Variants in TECPR2 observed in about 807,000 individuals in gnomAD.
The protein encoded by TECPR2 is tectonin beta-propeller repeat containing 2.
A neutral mutation model predicts 138.1 loss-of-function variants in TECPR2; 65 were observed. That is an observed-to-expected ratio of 0.47 (90% CI 0.39 to 0.58). The LOEUF (loss-of-function observed/expected upper bound fraction) is 0.58, where lower values mean the gene tolerates loss of function less well. Among genes scored for constraint, TECPR2 ranks in the 20% least tolerant of loss-of-function variants. The pLI, the probability that TECPR2 is intolerant of heterozygous loss-of-function variation, is 0.00. For synonymous variants in TECPR2, 746 were observed against 749.8 expected (o/e 0.99, Z 0.08); for missense variants, 1,553 against 1,824.5 (o/e 0.85, Z 2.71).
rs199738023 is a variant in TECPR2 at position 102,438,076 on chromosome 14, G to A, written c.2449G>A (p.Val817Met). 1.5e-4 allele frequency: 241 copies of A among 1,614,212 alleles called. 2 individuals carry two copies. In the East Asian group the frequency reaches 4.1e-3, roughly 27 times the overall value. ...SGPGYGILSL[V>M]VSEKYIWCLD... ...TCCCGGCTATGGCATCCTCAGCTTG[G>A]TGGTCTCCGAGAAGTATATCTGGTG... Residue 817 changes from valine to methionine, a missense_variant, in exon 10 of 20, where the codon GTG (valine) becomes ATG (methionine). Coordinates refer to ENST00000359520, the MANE Select transcript of TECPR2 (RefSeq NM_014844.5).
At chr14:102,386,736 G>A (rs556955543) in intron 2 of TECPR2, among the ~76,000 whole-genome samples, 41 of 152,256 alleles carry the variant, frequency 2.7e-4, no homozygotes, top group Non-Finnish European at 5.1e-4. Flanking sequence ...CATAAACACA[G>A]CAACACAAAG....
chr14:102,402,355 A>G (rs1888516512), intron 2 of TECPR2, among the ~76,000 whole-genome samples: 1 of 152,208 alleles, frequency 6.6e-6, no homozygotes, highest in South Asian at 2.1e-4. Context: ...ATGATTGACA[A>G]TGAAAACACA....
rs891682211 is a variant in TECPR2 at position 102,415,167 on chromosome 14, G to A, written c.638+374G>A. Among the ~76,000 whole-genome samples the A allele has an allele frequency of 2.6e-5, 4 of 152,192 alleles. No homozygotes were observed. Among genetic ancestry groups the A allele is most frequent in the Non-Finnish European group, 2.9e-5 (2 of 68,036 alleles). ...GTGGGGCTCACTCGTTATTCAGCAC[G>A]TGTTTACCATGCACCCCTGTGCACT... On this transcript the variant is annotated intron_variant, in intron 5 of 19. Transcript: ENST00000359520. This position sits in a 1 kb window ranked among gnomAD's most constrained non-coding sequence, Gnocchi z 4.3.
intron 15 of TECPR2, among the ~76,000 whole-genome samples, chr14:102,450,868 G>A (rs1011681202): frequency 6.6e-6 from 1 of 152,202 alleles, no homozygotes; most frequent in African/African-American, 2.4e-5. Flanking sequence ...CGAGCGTGGT[G>A]AAGATGAGGG....
At chr14:102,461,082 A>G (rs954915702) in intron 16 of TECPR2, among the ~76,000 whole-genome samples, 1 of 152,170 alleles carries the variant, frequency 6.6e-6, no homozygotes, top group Non-Finnish European at 1.5e-5. Flanking sequence ...GATTAAATTA[A>G]AGGAATTCTT....
intron 16 of TECPR2, among the ~76,000 whole-genome samples, chr14:102,459,896 G>A (rs912777560): frequency 2.0e-5 from 3 of 152,134 alleles, no homozygotes; most frequent in Admixed American, 6.5e-5. Context: ...CTGCTCCCTC[G>A]GGGACAGTGT....
intron 17 of TECPR2, among the ~76,000 whole-genome samples, chr14:102,479,256 G>C (rs114323438): frequency 6.6e-6 from 1 of 152,156 alleles, no homozygotes; most frequent in Non-Finnish European, 1.5e-5. Context: ...TTGGCCTAGT[G>C]TTTCTGAGTA....
In TECPR2 at chr14:102,443,859, G is replaced by A. The variant is rs569870823; in HGVS notation, c.2933+32G>A. Reference sequence around the variant, plus strand: ...GCGGGCCAGAGACTCCTTTCACATCGTGCTTGTCCTACCCTTCGTTCTTGT... The same window carrying A: ...GCGGGCCAGAGACTCCTTTCACATCATGCTTGTCCTACCCTTCGTTCTTGT... On this transcript the variant is annotated intron_variant, in intron 12 of 19. Coordinates refer to ENST00000359520, the MANE Select transcript of TECPR2 (RefSeq NM_014844.5). This position sits in a 1 kb window ranked among gnomAD's most constrained non-coding sequence, Gnocchi z 4.9. The A allele has an allele frequency of 4.0e-6, 6 of 1,506,210 alleles. No homozygotes were observed. The highest frequency in any genetic ancestry group is 2.7e-5 in the African/African-American group (2 of 72,838). The allele number at this position is 1,506,210 out of a possible 1,614,324, so 93.3% of individuals were successfully genotyped here. A position where few individuals can be genotyped will look rare whatever the true frequency, so the allele number is the denominator to read the frequency against.
intron 16 of TECPR2, among the ~76,000 whole-genome samples, chr14:102,461,938 G>A (rs1247557462): frequency 6.6e-6 from 1 of 152,202 alleles, no homozygotes; most frequent in Non-Finnish European, 1.5e-5. Flanking sequence ...CGGCCTGGGT[G>A]ACACTCTGGG....
intron 7 of TECPR2, among the ~76,000 whole-genome samples, chr14:102,431,111 C>T (rs1214363620): frequency 6.7e-6 from 1 of 148,572 alleles, no homozygotes; most frequent in African/African-American, 2.5e-5. Context: ...GCAACCTCCA[C>T]CTCCCAGGCT....
In TECPR2 at chr14:102,402,654, G is replaced by A. The variant is rs75729268; in HGVS notation, c.220-4684G>A. ...GAATTGACAAACCTTTAGCCAGATGGATCAAGAAGAAATGAGAGAAGACAC... is the reference window on the plus strand; with the variant it reads ...GAATTGACAAACCTTTAGCCAGATGAATCAAGAAGAAATGAGAGAAGACAC... On this transcript the variant is annotated intron_variant, in intron 2 of 19. Transcript: ENST00000359520. Among the ~76,000 whole-genome samples the A allele has an allele frequency of 8.7e-3, 1,326 of 152,084 alleles. 23 individuals are homozygous for A. The highest frequency in any genetic ancestry group is 0.03 in the African/African-American group (1,254 of 41,506).
At position 102,434,417 on chromosome 14, in the gene TECPR2, G is replaced by A; in HGVS notation, c.1600G>A (p.Val534Met). The A allele has an allele frequency of 6.5e-7, 1 of 1,530,084 alleles. No homozygotes were observed. The highest frequency in any genetic ancestry group is 8.8e-7 in the Non-Finnish European group (1 of 1,139,964). 94.8% of individuals were successfully genotyped at this position (1,530,084 alleles called of 1,614,324 possible). A position where few individuals can be genotyped will look rare whatever the true frequency, so the allele number is the denominator to read the frequency against. Residue 534 changes from valine to methionine, a missense_variant, in exon 9 of 20, where the codon GTG becomes ATG. Transcript: ENST00000359520. ...PDQESSFNGEVNGVPQENTDP... is the reference protein window; with the variant it reads ...PDQESSFNGEMNGVPQENTDP... ...CCAGGAAAGCAGCTTCAATGGTGAA[G>A]TGAACGGTGTCCCACAGGAAAATAC...
chr14:102,397,371 A>G (rs1019386944), intron 2 of TECPR2, among the ~76,000 whole-genome samples: 2 of 152,210 alleles, frequency 1.3e-5, no homozygotes, highest in African/African-American at 2.4e-5. Flanking sequence ...GAAAAAAAAA[A>G]CAACTGAAAC....
intron 7 of TECPR2, among the ~76,000 whole-genome samples, chr14:102,431,024 CTTTT>C (rs10713792): frequency 8.2e-6 from 1 of 122,634 alleles, no homozygotes; most frequent in Non-Finnish European, 1.6e-5. Context: ...TATTTTTTTA[CTTTT>C]TTTTTTTTTT....
At chr14:102,390,570 A>T (rs2139674312) in intron 2 of TECPR2, among the ~76,000 whole-genome samples, 1 of 152,254 alleles carries the variant, frequency 6.6e-6, no homozygotes, top group South Asian at 2.1e-4. Context: ...ACACTGTGTT[A>T]GTTAGGAAAA....
intron 16 of TECPR2, among the ~76,000 whole-genome samples, chr14:102,458,836 A>G (rs1890336859): frequency 2.6e-5 from 4 of 151,886 alleles, no homozygotes; most frequent in Admixed American, 1.3e-4. Flanking sequence ...AGAGCCAAGC[A>G]CGGTGGCGCA....
intron 1 of TECPR2, among the ~76,000 whole-genome samples, chr14:102,364,347 A>T (rs1287098474): frequency 6.6e-6 from 1 of 152,064 alleles, no homozygotes; most frequent in Non-Finnish European, 1.5e-5. Context: ...GTTGTTGTTA[A>T]CCTGACTTAC....
rs545985886 is a variant in TECPR2, at chr14:102,443,386, C to T, written c.2753-261C>T. Among the ~76,000 whole-genome samples, 1 of 152,236 alleles carries T rather than the reference C, an allele frequency of 6.6e-6. No individual in the cohort carries two copies. Among genetic ancestry groups the T allele is most frequent in the African/African-American group, 2.4e-5 (1 of 41,536 alleles). The stretch of plus-strand genomic sequence containing the variant: ...AAAAAAGCGGCCGGACAGGGCAGCT[C>T]CTGCCTGTAATCCCAGCACTTTGGG... On this transcript the variant is annotated intron_variant, in intron 11 of 19. Coordinates refer to ENST00000359520, the MANE Select transcript of TECPR2 (RefSeq NM_014844.5). The surrounding 1 kb of genome is among the most constrained non-coding windows in gnomAD (Gnocchi z 4.9).
chr14:102,379,381 A>G (rs1457420743), intron 2 of TECPR2, among the ~76,000 whole-genome samples: 5 of 151,738 alleles, frequency 3.3e-5, no homozygotes, highest in Non-Finnish European at 7.4e-5. Context: ...CGTCCTAGTC[A>G]CACTGCTAAA....
Sources: gnomAD v4.1 joint callset for allele counts (sites outside exome capture counted in the v4.1 genomes callset) on GRCh38, gnomAD v4.1.1 for gene constraint, Gnocchi (gnomAD v3.1) non-coding constraint, MANE v1.5 for transcripts, NCBI Gene and HGNC (gene_info 2026-07-23, HGNC 2026-07-21) for gene names.